GFRAL: variants seen among roughly 807,000 people sequenced by gnomAD.
The protein encoded by GFRAL is GDNF family receptor alpha like.
Under a neutral mutation model 45.4 loss-of-function variants are expected in GFRAL, and 36 were observed. That is an observed-to-expected ratio of 0.79 (90% CI 0.61 to 1.05). GFRAL has a LOEUF of 1.05. GFRAL is among the 50% of genes least tolerant of loss of function. The pLI is 0.00. For synonymous variants in GFRAL, 166 were observed against 154.1 expected, an observed-to-expected ratio of 1.08 and a Z score of -0.57; for missense variants, 507 against 467.5, an observed-to-expected ratio of 1.08 and a Z score of -0.78.
intron 6 of GFRAL, among the ~76,000 whole-genome samples, chr6:55,398,556 T>C (rs1057135300): frequency 2.6e-5 from 4 of 152,214 alleles, no homozygotes; most frequent in Non-Finnish European, 4.4e-5. Flanking sequence ...GAAAAGATTG[T>C]CCTCACAGGG....
At chr6:55,356,818 G>T (rs1196295153) in intron 5 of GFRAL, among the ~76,000 whole-genome samples, 1 of 151,602 alleles carries the variant, frequency 6.6e-6, no homozygotes, top group Non-Finnish European at 1.5e-5. Flanking sequence ...CTTTTTTGAT[G>T]TAGGTGCTTA....
chr6:55,382,530 CT>C (rs917656548), intron 6 of GFRAL, among the ~76,000 whole-genome samples: 3 of 151,978 alleles, frequency 2.0e-5, no homozygotes, highest in African/African-American at 7.2e-5. Context: ...CCATTATTAG[CT>C]TTCAAATTTA....
chr6:55,342,269 A>T (rs1767977780), intron 3 of GFRAL, among the ~76,000 whole-genome samples: 2 of 152,230 alleles, frequency 1.3e-5, no homozygotes, highest in Non-Finnish European at 2.9e-5. Context: ...AAGGGCAGCC[A>T]GAGAGAAAGG....
intron 6 of GFRAL, among the ~76,000 whole-genome samples, chr6:55,380,772 T>C (rs1768598051): frequency 6.6e-6 from 1 of 151,958 alleles, no homozygotes; most frequent in Admixed American, 6.6e-5. Context: ...AGTGAATGAA[T>C]GAATGAGTAA....
At chr6:55,344,997 C>A (rs974439709) in intron 3 of GFRAL, among the ~76,000 whole-genome samples, 1 of 152,120 alleles carries the variant, frequency 6.6e-6, no homozygotes, top group Admixed American at 6.5e-5. Flanking sequence ...ATGTGAAGGA[C>A]CTCTTCAAGG....
In GFRAL at chr6:55,399,271, CA is replaced by C. The variant is rs770832351; in HGVS notation, c.1046del (p.Asn349MetfsTer4). 7.6e-6 allele frequency: 12 copies of C among 1,583,912 alleles called. No homozygotes were observed. The highest frequency in any genetic ancestry group is 1.7e-5 in the Admixed American group (1 of 59,574). On this transcript the variant is annotated frameshift_variant, in exon 7 of 9. Transcript: ENST00000340465. LOFTEE classifies it high-confidence loss of function. The stretch of plus-strand genomic sequence containing the variant: ...CTTTAACTGGATTTCATTCCCCCTT[CA>C]ATGGTCAGTTAAAAATCAATCCTCT... Reference protein sequence around the residue: ...ITLTGFHSPFNGEVIYAAMCM... With the variant: ...ITLTGFHSPFXGEVIYAAMCM...
At position 55,389,120 on chromosome 6, in the gene GFRAL, G is replaced by A. The variant is rs138475404; in HGVS notation, c.953-10060G>A. ...TAAAAATTTTATGTTAAGTTCAGGG[G>A]TACATGTGCAGATTTGTTATACAGG... On this transcript the variant is annotated intron_variant, in intron 6 of 8. Coordinates refer to ENST00000340465, the MANE Select transcript of GFRAL (RefSeq NM_207410.2). Among the ~76,000 whole-genome samples the A allele has an allele frequency of 2.4e-4, 36 of 152,172 alleles. No individual in the cohort carries two copies. In the East Asian group the frequency reaches 4.8e-3, roughly 20 times the overall value.
At chr6:55,327,944 A>T (rs1404397767) in intron 1 of GFRAL, among the ~76,000 whole-genome samples, 2 of 152,024 alleles carry the variant, frequency 1.3e-5, no homozygotes, top group Admixed American at 6.6e-5. Flanking sequence ...AAGTTATAAG[A>T]TGAAAAATTT....
chr6:55,371,964 G>C (rs1452423763), intron 6 of GFRAL, among the ~76,000 whole-genome samples: 1 of 152,116 alleles, frequency 6.6e-6, no homozygotes, highest in Non-Finnish European at 1.5e-5. Context: ...TTCTCTAACA[G>C]GTTGATCCAC....
At chr6:55,356,456 T>C (rs771619239) in intron 5 of GFRAL, among the ~76,000 whole-genome samples, 23 of 151,934 alleles carry the variant, frequency 1.5e-4, no homozygotes, top group Non-Finnish European at 3.2e-4. Flanking sequence ...TCTACAAATT[T>C]ATTCACTTAT....
At chr6:55,340,266 C>G (rs1767945037) in intron 3 of GFRAL, among the ~76,000 whole-genome samples, 1 of 152,154 alleles carries the variant, frequency 6.6e-6, no homozygotes, top group Non-Finnish European at 1.5e-5. Context: ...TCTCTCCATG[C>G]TTTGCATTCC....
chr6:55,355,975 T>C (rs1768189210), intron 5 of GFRAL, among the ~76,000 whole-genome samples: 1 of 152,034 alleles, frequency 6.6e-6, no homozygotes, highest in Admixed American at 6.6e-5. Flanking sequence ...CAGCATCAAT[T>C]GAAAAGATCA....
intron 3 of GFRAL, among the ~76,000 whole-genome samples, chr6:55,345,792 C>T (rs1323582944): frequency 6.6e-6 from 1 of 151,996 alleles, no homozygotes; most frequent in Non-Finnish European, 1.5e-5. Context: ...TGCAATCTAC[C>T]CATCTGACAA....
At chr6:55,368,736 C>T (rs1761231192) in intron 6 of GFRAL, among the ~76,000 whole-genome samples, 1 of 152,174 alleles carries the variant, frequency 6.6e-6, no homozygotes, top group South Asian at 2.1e-4. Flanking sequence ...TGGGGGGTGC[C>T]TCCCAGTTAG....
intron 5 of GFRAL, among the ~76,000 whole-genome samples, chr6:55,352,509 C>T (rs1392882058): frequency 6.6e-6 from 1 of 151,978 alleles, no homozygotes; most frequent in African/African-American, 2.4e-5. Context: ...GGTAAGATGG[C>T]CATTTTGAGC....
chr6:55,344,057 C>CA (rs555106250), intron 3 of GFRAL, among the ~76,000 whole-genome samples: 9 of 150,656 alleles, frequency 6.0e-5, no homozygotes, highest in South Asian at 4.2e-4. Context: ...GCCTACCAAC[C>CA]AAAAAAAAAG....
intron 6 of GFRAL, among the ~76,000 whole-genome samples, chr6:55,396,613 T>G (rs939798387): frequency 3.9e-5 from 6 of 152,134 alleles, no homozygotes; most frequent in African/African-American, 7.2e-5. Context: ...CTTCATATTC[T>G]GAATTGATTT....
chr6:55,379,262 A>C (rs921337693), intron 6 of GFRAL, among the ~76,000 whole-genome samples: 4 of 151,916 alleles, frequency 2.6e-5, no homozygotes, highest in African/African-American at 9.7e-5. Context: ...TTCATCACCC[A>C]GGTATTAAGC....
At chr6:55,356,494 A>T (rs1220814313) in intron 5 of GFRAL, among the ~76,000 whole-genome samples, 5 of 151,904 alleles carry the variant, frequency 3.3e-5, no homozygotes, top group Non-Finnish European at 1.5e-5. Context: ...ATGTATTGGC[A>T]TATATTTGCT....
Sources: allele counts gnomAD v4.1 joint callset (sites outside exome capture counted in the v4.1 genomes callset), GRCh38; gene constraint gnomAD v4.1.1; transcripts MANE v1.5; gene names NCBI Gene and HGNC (gene_info 2026-07-23, HGNC 2026-07-21).